ANP32B: variants seen among roughly 807,000 people sequenced by gnomAD.
The protein encoded by ANP32B is acidic leucine-rich nuclear phosphoprotein 32 family member B.
ANP32B carries 6 observed loss-of-function variants against 32.2 expected under a neutral mutation model. The ratio of observed to expected loss-of-function variants is 0.19; its 90% CI spans 0.10 to 0.37. ANP32B has a LOEUF of 0.37. ANP32B is among the 10% of genes least tolerant of loss of function. The pLI is 1.00. For synonymous variants in ANP32B, 98 were observed against 105.8 expected (o/e 0.93, Z 0.45); for missense variants, 204 against 289.2 (o/e 0.71, Z 2.14).
chr9:97,998,504 T>A, intron 2 of ANP32B, 52 bp from the exon 3 acceptor site: 1 of 1,542,158 alleles, frequency 6.5e-7, no homozygotes, highest in Non-Finnish European at 8.7e-7. Context: ...TTAAATGATT[T>A]CTGTTTCTCT....
chr9:98,001,099 C>G (rs1827982614), intron 3 of ANP32B, among the ~76,000 whole-genome samples: 1 of 151,860 alleles, frequency 6.6e-6, no homozygotes, highest in Non-Finnish European at 1.5e-5. Flanking sequence ...TACACTAAGC[C>G]TTTGTTTATT....
chr9:97,992,612 A>G (rs1406801136), intron 1 of ANP32B, among the ~76,000 whole-genome samples: 3 of 152,248 alleles, frequency 2.0e-5, no homozygotes, highest in Non-Finnish European at 4.4e-5. Context: ...GGATAAAATT[A>G]TAGAAACTCT....
intron 4 of ANP32B, among the ~76,000 whole-genome samples, chr9:98,006,033 C>T (rs762498126): frequency 7.9e-5 from 12 of 152,086 alleles, no homozygotes; most frequent in Non-Finnish European, 1.5e-4. Context: ...GTGAACTGCA[C>T]ATGTGAGGGG....
chr9:97,997,821 T>C (rs7874518), intron 2 of ANP32B, among the ~76,000 whole-genome samples: 88,076 of 151,818 alleles, frequency 0.58, 27,438 homozygotes, highest in African/African-American at 0.82. Context: ...TCCAATTCCT[T>C]CTACTCTAAG....
intron 6 of ANP32B, among the ~76,000 whole-genome samples, chr9:98,013,570 T>G (rs566633532): frequency 6.6e-6 from 1 of 152,316 alleles, no homozygotes; most frequent in Admixed American, 6.5e-5. Context: ...TATGCCAGCC[T>G]GGACAACATA....
At chr9:97,994,964 CT>C (rs1827881623) in intron 2 of ANP32B, among the ~76,000 whole-genome samples, 184 bp downstream of exon 2, 1 of 152,166 alleles carries the variant, frequency 6.6e-6, no homozygotes, top group Non-Finnish European at 1.5e-5. Context: ...TACTTAATCT[CT>C]CTAAGGCCCA....
At chr9:97,991,177 A>G (rs1320186927) in intron 1 of ANP32B, among the ~76,000 whole-genome samples, 3 of 150,850 alleles carry the variant, frequency 2.0e-5, no homozygotes, top group East Asian at 3.9e-4. Context: ...GCATAGTGGC[A>G]TGATAATGGC....
rs1828261229 is a variant in ANP32B, at chr9:98,015,493, GT to G, written c.*63del. Reference sequence around the variant, plus strand: ...ATTGGTTGGACTGCTCATGGATTTTGTAGCTGTTTAAAAAAAAAAAAAAGGT... The same window carrying G: ...ATTGGTTGGACTGCTCATGGATTTTGAGCTGTTTAAAAAAAAAAAAAAGGT... On this transcript the variant is annotated 3_prime_UTR_variant, in exon 7 of 7. Transcript: ENST00000339399. 2 of 1,488,256 alleles carry G rather than the reference GT, an allele frequency of 1.3e-6. No homozygotes were observed. The highest frequency in any genetic ancestry group is 1.5e-5 in the African/African-American group (1 of 66,810). The allele number at this position is 1,488,256 out of a possible 1,614,324, so 92.2% of individuals were successfully genotyped here.
intron 3 of ANP32B, among the ~76,000 whole-genome samples, chr9:98,004,243 C>T (rs1828040631): frequency 6.6e-6 from 1 of 152,042 alleles, no homozygotes; most frequent in Non-Finnish European, 1.5e-5. Flanking sequence ...TGAGGTATTG[C>T]AACAAAATTT....
At chr9:98,011,824 T>C (rs1005881403) in intron 5 of ANP32B, among the ~76,000 whole-genome samples, 2 of 152,080 alleles carry the variant, frequency 1.3e-5, no homozygotes, top group Non-Finnish European at 2.9e-5. Flanking sequence ...CAAAATGAAA[T>C]GAGATTGTGG....
intron 4 of ANP32B, among the ~76,000 whole-genome samples, chr9:98,006,544 C>G (rs1431586399): frequency 2.6e-5 from 4 of 152,180 alleles, no homozygotes; most frequent in African/African-American, 9.7e-5. Flanking sequence ...CAGCAGAAGA[C>G]AAGACTGCCA....
At chr9:98,000,785 G>T (rs907793874) in intron 3 of ANP32B, among the ~76,000 whole-genome samples, 5 of 151,990 alleles carry the variant, frequency 3.3e-5, no homozygotes, top group African/African-American at 1.2e-4. Context: ...ACCCAGGCGT[G>T]GTGGCAGGCG....
At chr9:98,001,077 G>A (rs879397444) in intron 3 of ANP32B, among the ~76,000 whole-genome samples, 5 of 151,768 alleles carry the variant, frequency 3.3e-5, no homozygotes, top group African/African-American at 4.8e-5. Flanking sequence ...ATGCTTTCCC[G>A]TTCACATGGG....
In ANP32B at chr9:98,013,928, G is replaced by A. The variant is rs142480909; in HGVS notation, c.689-1436G>A. ...CCAGCTACTTGGGAAGCTGAGGTGG[G>A]AGGACTGCTTGAAGTTGCAGTGAGG... On this transcript the variant is annotated intron_variant, in intron 6 of 6. Coordinates refer to ENST00000339399, the MANE Select transcript of ANP32B (RefSeq NM_006401.3). Among the ~76,000 whole-genome samples the A allele has an allele frequency of 7.9e-5, 12 of 152,294 alleles. No homozygotes were observed. The East Asian group carries it at 2.3e-3, about 29-fold the overall frequency.
intron 1 of ANP32B, among the ~76,000 whole-genome samples, chr9:97,988,040 C>G (rs1489668896): frequency 2.6e-5 from 4 of 152,028 alleles, no homozygotes; most frequent in Non-Finnish European, 4.4e-5. Flanking sequence ...AACGTACCAT[C>G]TAGACACTTT....
chr9:97,996,626 T>C (rs1372547346), intron 2 of ANP32B, among the ~76,000 whole-genome samples: 1 of 152,124 alleles, frequency 6.6e-6, no homozygotes, highest in African/African-American at 2.4e-5. Flanking sequence ...GGAGTTTAAC[T>C]CTTGTTGCCC....
intron 4 of ANP32B, among the ~76,000 whole-genome samples, chr9:98,007,885 G>A (rs571512801): frequency 3.9e-5 from 6 of 152,276 alleles, no homozygotes; most frequent in African/African-American, 9.6e-5. Flanking sequence ...ACAGAGAAGC[G>A]AGATGGCGTT....
At position 98,011,274 on chromosome 9, in the gene ANP32B, G is replaced by T. The variant is rs1200375028; in HGVS notation, c.521G>T (p.Gly174Val). ...GVDEEEEDEE[G>V]EDEEDEDDED... Reference sequence around the variant, plus strand: ...ATCCCTTTTGGACTATTTTTAGAAGGAGAAGATGAGGAAGACGAGGACGAT... The same window carrying T: ...ATCCCTTTTGGACTATTTTTAGAAGTAGAAGATGAGGAAGACGAGGACGAT... Residue 174 changes from glycine to valine, a missense_variant, in exon 5 of 7, where the codon GGA (glycine) becomes GTA (valine). Gly to Val is a moderately radical substitution (Grantham distance 109). Coordinates refer to ENST00000339399, the MANE Select transcript of ANP32B (RefSeq NM_006401.3). 2 of 1,551,356 alleles carry T rather than the reference G, an allele frequency of 1.3e-6. No individual in the cohort carries two copies.
intron 4 of ANP32B, among the ~76,000 whole-genome samples, chr9:98,010,322 C>G (rs1482470677): frequency 6.8e-6 from 1 of 148,068 alleles, no homozygotes; most frequent in South Asian, 2.1e-4. Flanking sequence ...GTGGCTCACA[C>G]TTGTAATCCC....
Sources: allele counts gnomAD v4.1 joint callset (sites outside exome capture counted in the v4.1 genomes callset), GRCh38; gene constraint gnomAD v4.1.1; transcripts MANE v1.5; gene names NCBI Gene and HGNC (gene_info 2026-07-23, HGNC 2026-07-21).